Variants in TAFA2 observed in about 807,000 individuals in gnomAD.
TAFA2 encodes TAFA chemokine like family member 2, also known as chemokine-like protein TAFA-2.
TAFA2 carries 7 observed loss-of-function variants against 18.8 expected under a neutral mutation model. The observed-to-expected ratio is 0.37, with a 90% CI of 0.21 to 0.70. The LOEUF (loss-of-function observed/expected upper bound fraction) is 0.70. Among genes scored for constraint, TAFA2 ranks in the 30% least tolerant of loss-of-function variants. The pLI, the probability that TAFA2 is intolerant of heterozygous loss-of-function variation, is 0.53. For synonymous variants in TAFA2, 60 were observed against 54.2 expected, an observed-to-expected ratio of 1.11 and a Z score of -0.47; for missense variants, 122 against 158.1, an observed-to-expected ratio of 0.77 and a Z score of 1.23.
intron 1 of TAFA2, among the ~76,000 whole-genome samples, chr12:62,237,095 TTTTGAG>T (rs367733973): frequency 1.3e-5 from 2 of 152,244 alleles, no homozygotes; most frequent in African/African-American, 4.8e-5. Context: ...TATTTTTCTC[TTTTGAG>T]TTTATTTTCT....
intron 1 of TAFA2, among the ~76,000 whole-genome samples, chr12:61,976,534 A>T (rs932543148): frequency 1.1e-4 from 17 of 151,584 alleles, no homozygotes; most frequent in Non-Finnish European, 2.2e-4. Context: ...ATAATCCAAA[A>T]TTTTTTTTCA....
intron 1 of TAFA2, among the ~76,000 whole-genome samples, chr12:62,070,718 G>C (rs1312425492): frequency 6.6e-6 from 1 of 152,144 alleles, no homozygotes; most frequent in African/African-American, 2.4e-5. Context: ...TTACCTAAAG[G>C]CTAAATAATC....
intron 1 of TAFA2, among the ~76,000 whole-genome samples, chr12:62,218,850 A>G (rs778527879): frequency 2.0e-5 from 3 of 152,188 alleles, no homozygotes; most frequent in Non-Finnish European, 4.4e-5. Context: ...CTATTTACCA[A>G]AGATATTCTG....
At chr12:62,249,886 G>A (rs549492337) in intron 1 of TAFA2, among the ~76,000 whole-genome samples, 14 of 152,296 alleles carry the variant, frequency 9.2e-5, no homozygotes, top group African/African-American at 1.7e-4. Context: ...GCCTCACAGC[G>A]GGTTTGGATT....
intron 1 of TAFA2, among the ~76,000 whole-genome samples, chr12:62,169,622 C>A (rs543931175): frequency 2.6e-5 from 4 of 152,046 alleles, no homozygotes; most frequent in African/African-American, 7.2e-5. Context: ...GAGGCCGAGG[C>A]GGGCAGATCA....
chr12:62,007,340 A>ATT (rs1880587741), intron 1 of TAFA2, among the ~76,000 whole-genome samples: 1 of 152,182 alleles, frequency 6.6e-6, no homozygotes, highest in Admixed American at 6.6e-5. Context: ...CCTGATCTTC[A>ATT]TAATATATAT....
At chr12:61,777,433 C>T (rs115020246) in intron 2 of TAFA2, among the ~76,000 whole-genome samples, 2,799 of 151,888 alleles carry the variant, frequency 0.018, 82 homozygotes, top group African/African-American at 0.064. Flanking sequence ...ATTATAAATT[C>T]AGGGAGAGTC....
intron 2 of TAFA2, among the ~76,000 whole-genome samples, chr12:61,809,702 T>C (rs892819720): frequency 6.6e-6 from 1 of 151,406 alleles, no homozygotes; most frequent in Non-Finnish European, 1.5e-5. Context: ...TTAGTTTTTT[T>C]ACTATAAGGG....
intron 1 of TAFA2, among the ~76,000 whole-genome samples, chr12:62,072,386 G>A (rs942559661): frequency 2.6e-5 from 4 of 151,810 alleles, no homozygotes; most frequent in East Asian, 3.9e-4. Context: ...GGAGAATGGC[G>A]TGAACCCAGG....
At chr12:61,909,249 G>A (rs1390225046) in intron 1 of TAFA2, among the ~76,000 whole-genome samples, 1 of 152,146 alleles carries the variant, frequency 6.6e-6, no homozygotes, top group African/African-American at 2.4e-5. Flanking sequence ...AAAAGTTTGA[G>A]GAAAGCCATT....
At chr12:62,159,139 G>A (rs1389288035) in intron 1 of TAFA2, among the ~76,000 whole-genome samples, 5 of 152,142 alleles carry the variant, frequency 3.3e-5, no homozygotes, top group East Asian at 1.9e-4. Context: ...TTCTGTTTCT[G>A]TAAATGCGTT....
chr12:62,059,139 A>ATGTG lies in TAFA2; in HGVS notation c.-2+132116_-2+132119dup, dbSNP rs374882700. Among the ~76,000 whole-genome samples, 513 of 136,304 alleles carry ATGTG rather than the reference A, an allele frequency of 3.8e-3. 2 individuals carry two copies. The highest frequency in any genetic ancestry group is 0.011 in the Middle Eastern group (3 of 262). 89.4% of individuals were successfully genotyped at this position (136,304 alleles called of 152,430 possible). A position where few individuals can be genotyped will look rare whatever the true frequency, so the allele number is the denominator to read the frequency against. On this transcript the variant is annotated intron_variant, in intron 1 of 4. Coordinates refer to ENST00000416284, the MANE Select transcript of TAFA2 (RefSeq NM_178539.5). Reference sequence around the variant, plus strand: ...TAATAATATATATATATGTGTGTATATGTGTGTGTGTGTGTGTGTGTGTGT... The same window carrying ATGTG: ...TAATAATATATATATATGTGTGTATATGTGTGTGTGTGTGTGTGTGTGTGTGTGT...
chr12:62,073,289 T>C (rs1882679729), intron 1 of TAFA2, among the ~76,000 whole-genome samples: 1 of 152,218 alleles, frequency 6.6e-6, no homozygotes, highest in Non-Finnish European at 1.5e-5. Flanking sequence ...ACATATCTTG[T>C]ATTCCTCCAT....
intron 1 of TAFA2, among the ~76,000 whole-genome samples, chr12:61,902,331 C>A (rs10877764): frequency 0.54 from 82,789 of 151,964 alleles, 23,886 homozygotes; most frequent in African/African-American, 0.74. Context: ...ATATTTCCAA[C>A]CAGTTCAAAG....
chr12:61,798,863 T>C (rs959628044), intron 2 of TAFA2, among the ~76,000 whole-genome samples: 20 of 152,366 alleles, frequency 1.3e-4, no homozygotes, highest in Admixed American at 3.3e-4. Flanking sequence ...TTCTATAGAA[T>C]GTTATCTAAG....
intron 1 of TAFA2, among the ~76,000 whole-genome samples, chr12:61,968,805 C>T (rs958036171): frequency 5.3e-5 from 8 of 151,608 alleles, no homozygotes; most frequent in African/African-American, 1.9e-4. Context: ...CCCCAGAGTT[C>T]ATGACTCTAT....
chr12:62,238,846 A>G (rs933427665), intron 1 of TAFA2, among the ~76,000 whole-genome samples: 4 of 152,224 alleles, frequency 2.6e-5, no homozygotes, highest in Non-Finnish European at 5.9e-5. Flanking sequence ...TGTTTTCTGT[A>G]TATTTATATA....
intron 1 of TAFA2, chr12:62,253,103 TG>T (rs2062922429): frequency 6.6e-6 from 1 of 152,222 alleles, no homozygotes; most frequent in African/African-American, 2.4e-5. Context: ...AAATCACTGT[TG>T]GTAAGTGAGA....
chr12:62,155,662 T>C (rs2062364088), intron 1 of TAFA2, among the ~76,000 whole-genome samples: 1 of 152,128 alleles, frequency 6.6e-6, no homozygotes, highest in Admixed American at 6.6e-5. Context: ...CAACTGATCT[T>C]CAACAAAGCA....
Sources: gnomAD v4.1 joint callset for allele counts (sites outside exome capture counted in the v4.1 genomes callset) on GRCh38, gnomAD v4.1.1 for gene constraint, MANE v1.5 for transcripts, NCBI Gene and HGNC (gene_info 2026-07-23, HGNC 2026-07-21) for gene names.